Variants in GSDME observed in about 807,000 individuals in gnomAD.
GSDME encodes gasdermin E.
GSDME carries 44 observed loss-of-function variants against 47.5 expected under a neutral mutation model. The observed-to-expected ratio is 0.93, with a 90% CI of 0.73 to 1.19. GSDME has a LOEUF of 1.19. Among genes scored for constraint, GSDME ranks in the 50% most tolerant of loss-of-function variants. The pLI, the probability that GSDME is intolerant of heterozygous loss-of-function variation, is 0.00. For synonymous variants in GSDME, 258 were observed against 252.8 expected, an observed-to-expected ratio of 1.02 and a Z score of -0.20; for missense variants, 663 against 604.2, an observed-to-expected ratio of 1.10 and a Z score of -1.02.
the GSDME span, among the ~76,000 whole-genome samples, chr7:24,773,377 T>C: frequency 6.6e-6 from 1 of 152,230 alleles, no homozygotes; most frequent in African/African-American, 2.4e-5. This position sits in a 1 kb window ranked among gnomAD's most constrained non-coding sequence, Gnocchi z 5.4. Flanking sequence ...TAAAGCACTA[T>C]TATTATTTTT....
the GSDME span, among the ~76,000 whole-genome samples, chr7:24,787,597 G>A: frequency 1.3e-4 from 20 of 152,132 alleles, no homozygotes; most frequent in South Asian, 3.1e-3. This position sits in a 1 kb window ranked among gnomAD's most constrained non-coding sequence, Gnocchi z 5.0. Context: ...TTTAAATTAC[G>A]GCAGTTAATA....
intron 5 of GSDME, among the ~76,000 whole-genome samples, chr7:24,713,571 A>T (rs923653784): frequency 1.2e-4 from 18 of 152,138 alleles, no homozygotes; most frequent in Non-Finnish European, 1.5e-4. Context: ...GGGGTGGGAG[A>T]GGGTGTGCCA....
intron 9 of GSDME, chr7:24,702,514 G>A (rs568787916): frequency 1.9e-5 from 8 of 427,864 alleles, no homozygotes; most frequent in African/African-American, 1.0e-4. Context: ...AGTTGGAGTC[G>A]AAAGACAAGG....
upstream of GSDME, among the ~76,000 whole-genome samples, chr7:24,758,495 T>G (rs1791109636): frequency 6.6e-6 from 1 of 152,242 alleles, no homozygotes; most frequent in East Asian, 1.9e-4. The surrounding 1 kb of genome is among the most constrained non-coding windows in gnomAD (Gnocchi z 4.6). Flanking sequence ...TCGTCTTCAC[T>G]GTGCAATGCT....
intron 9 of GSDME, 159 bp downstream of exon 9, chr7:24,702,601 A>AT: frequency 1.5e-6 from 1 of 647,992 alleles, no homozygotes. Context: ...ATGGGGTGGG[A>AT]TGTGTATAAA....
intron 1 of GSDME, among the ~76,000 whole-genome samples, chr7:24,751,221 A>G (rs1790848600): frequency 1.3e-5 from 2 of 152,364 alleles, no homozygotes; most frequent in South Asian, 2.1e-4. Context: ...AACCATTCAC[A>G]ATACACAAAT....
At chr7:24,755,349 C>T in intron 1 of GSDME, among the ~76,000 whole-genome samples, 1 of 152,180 alleles carries the variant, frequency 6.6e-6, no homozygotes, top group Non-Finnish European at 1.5e-5. Context: ...CTGCTGCTTC[C>T]TGACCAATCA....
At chr7:24,730,497 T>C (rs1790108688) in intron 3 of GSDME, among the ~76,000 whole-genome samples, 1 of 152,118 alleles carries the variant, frequency 6.6e-6, no homozygotes, top group Non-Finnish European at 1.5e-5. Flanking sequence ...CCTACCTAGT[T>C]CCAAAAAGAT....
chr7:24,743,449 C>G (rs1230610398), intron 3 of GSDME, among the ~76,000 whole-genome samples: 1 of 152,206 alleles, frequency 6.6e-6, no homozygotes, highest in African/African-American at 2.4e-5. Context: ...CGCTGAATTA[C>G]TGCAATAACT....
chr7:24,719,197 AG>A lies in GSDME; in HGVS notation c.425del (p.Pro142LeufsTer17), dbSNP rs1789684614. ...TTCCTTCCAGCACCTGCTGGAGCACAGGGTTTCTCAGATTTATTGTTCTGAA... is the reference window on the plus strand; with the variant it reads ...TTCCTTCCAGCACCTGCTGGAGCACAGGTTTCTCAGATTTATTGTTCTGAA... ...SAERTINLRN[P>X]VLQQVLEGRN... On this transcript the variant is annotated frameshift_variant, in exon 4 of 10. Transcript: ENST00000645220. LOFTEE classifies it high-confidence loss of function. 2 of 1,612,666 alleles carry A rather than the reference AG, an allele frequency of 1.2e-6. No individual in the cohort carries two copies. Among genetic ancestry groups the A allele is most frequent in the African/African-American group, 1.3e-5 (1 of 74,928 alleles).
rs143052457 is a variant in GSDME, at chr7:24,756,227, G to A, written c.-20+1169C>T. Among the ~76,000 whole-genome samples the A allele has an allele frequency of 0.014, 2,082 of 152,320 alleles. 56 individuals are homozygous for A. The highest frequency in any genetic ancestry group is 0.047 in the African/African-American group (1,971 of 41,554). On this transcript the variant is annotated intron_variant, in intron 1 of 9. Coordinates refer to ENST00000645220, the MANE Select transcript of GSDME (RefSeq NM_001127453.2). The surrounding 1 kb of genome is among the most constrained non-coding windows in gnomAD (Gnocchi z 4.2). ...TCTGGGTAAGAATAGAGAAGATGCG[G>A]TGTGGTGGCAGGCACCTGCGGTCTC...
the GSDME span, among the ~76,000 whole-genome samples, chr7:24,785,471 T>G: frequency 4.6e-5 from 7 of 152,236 alleles, no homozygotes; most frequent in Non-Finnish European, 1.0e-4. Flanking sequence ...TTGTTTGTTT[T>G]TTTGAGATGG....
Position 24,725,294 on chromosome 7 carries a change from A to G in GSDME, c.405-6076T>C, listed in dbSNP as rs1485572943. On this transcript the variant is annotated intron_variant, in intron 3 of 9. Coordinates refer to ENST00000645220, the MANE Select transcript of GSDME (RefSeq NM_001127453.2). This position sits in a 1 kb window ranked among gnomAD's most constrained non-coding sequence, Gnocchi z 5.1. ...ACCCACACTCTACCCAGCAGATGGC[A>G]GGGGCTCTGTAAATGTTTTTTTCCT... Among the ~76,000 whole-genome samples, 1 of 152,184 alleles carries G rather than the reference A, an allele frequency of 6.6e-6. No individual in the cohort carries two copies. The highest frequency in any genetic ancestry group is 2.4e-5 in the African/African-American group (1 of 41,460).
chr7:24,785,386 T>G, the GSDME span, among the ~76,000 whole-genome samples: 1 of 152,268 alleles, frequency 6.6e-6, no homozygotes, highest in African/African-American at 2.4e-5. Flanking sequence ...ATCAACTAAA[T>G]AATGATCACA....
At chr7:24,785,975 T>C in the GSDME span, among the ~76,000 whole-genome samples, 1 of 152,208 alleles carries the variant, frequency 6.6e-6, no homozygotes, top group African/African-American at 2.4e-5. Context: ...AAGAAAAGAA[T>C]AATTGAGGGC....
At chr7:24,787,300 C>T in the GSDME span, among the ~76,000 whole-genome samples, 1 of 152,208 alleles carries the variant, frequency 6.6e-6, no homozygotes, top group Non-Finnish European at 1.5e-5. This position sits in a 1 kb window ranked among gnomAD's most constrained non-coding sequence, Gnocchi z 5.0. Flanking sequence ...TTTTCAAAGA[C>T]AGTACAAAAG....
chr7:24,700,815 C>T lies in GSDME; in HGVS notation c.1258-1556G>A, dbSNP rs533086689. Among the ~76,000 whole-genome samples, 12 of 152,302 alleles carry T rather than the reference C, an allele frequency of 7.9e-5. No homozygotes were observed. The East Asian group carries it at 1.7e-3, about 22-fold the overall frequency. ...GTGAATTAAGGAGGAGCCCCACTGG[C>T]GCAGGCTGGAGACTGTCAACAGCAT... On this transcript the variant is annotated intron_variant, in intron 9 of 9. Coordinates refer to ENST00000645220, the MANE Select transcript of GSDME (RefSeq NM_001127453.2).
rs1249568644 is a variant in GSDME, at chr7:24,726,956, G to A, written c.405-7738C>T. On this transcript the variant is annotated intron_variant, in intron 3 of 9. Transcript: ENST00000645220. The surrounding 1 kb of genome is among the most constrained non-coding windows in gnomAD (Gnocchi z 5.6). ...TGTGGAGAAATTATAAAACTAGAAG[G>A]GACCCAAGGGGATTATCTAGCTCTG... 6.6e-6 allele frequency among the ~76,000 whole-genome samples: 1 copy of A among 152,110 alleles called. No individual in the cohort carries two copies. The highest frequency in any genetic ancestry group is 1.5e-5 in the Non-Finnish European group (1 of 68,026).
chr7:24,784,860 T>G, the GSDME span, among the ~76,000 whole-genome samples: 1 of 152,170 alleles, frequency 6.6e-6, no homozygotes, highest in African/African-American at 2.4e-5. Context: ...GCGCCCGGAC[T>G]GCCTTTTTCT....
Sources: allele counts gnomAD v4.1 joint callset (sites outside exome capture counted in the v4.1 genomes callset), GRCh38; gene constraint gnomAD v4.1.1; non-coding constraint Gnocchi (gnomAD v3.1); transcripts MANE v1.5; gene names NCBI Gene and HGNC (gene_info 2026-07-23, HGNC 2026-07-21).